Variants in ACTN2 observed in about 807,000 individuals in gnomAD.
ACTN2 encodes actinin alpha 2.
A neutral mutation model predicts 113.8 loss-of-function variants in ACTN2; 39 were observed. That is an observed-to-expected ratio of 0.34 (90% CI 0.27 to 0.45). ACTN2 has a LOEUF of 0.45. ACTN2 is among the 20% of genes least tolerant of loss of function. The pLI is 1.00. For synonymous variants in ACTN2, 429 were observed against 444.1 expected (o/e 0.97, Z 0.43); for missense variants, 992 against 1,177.9 (o/e 0.84, Z 2.31).
At position 236,754,591 on chromosome 1, in the gene ACTN2, G is replaced by C. The variant is rs1659498471; in HGVS notation, c.1975-428G>C. ...TTGAAATATTGACTTTTTTCTTAAA[G>C]CGGAGACCATGTAAAAATATAAGAA... On this transcript the variant is annotated intron_variant, in intron 16 of 20. Transcript: ENST00000366578. This position sits in a 1 kb window ranked among gnomAD's most constrained non-coding sequence, Gnocchi z 4.9. 6.6e-6 allele frequency among the ~76,000 whole-genome samples: 1 copy of C among 152,108 alleles called. No individual in the cohort carries two copies. The highest frequency in any genetic ancestry group is 2.4e-5 in the African/African-American group (1 of 41,418).
chr1:236,696,891 C>T (rs774718456), intron 1 of ACTN2, among the ~76,000 whole-genome samples: 3 of 152,244 alleles, frequency 2.0e-5, no homozygotes, highest in African/African-American at 4.8e-5. Context: ...GTCTCGATCT[C>T]GACCTCGTGA....
chr1:236,763,027 T>TA lies in ACTN2; in HGVS notation c.*414dup. On this transcript the variant is annotated 3_prime_UTR_variant, in exon 21 of 21. Transcript: ENST00000366578. ...TTGGTAAATAAAGGTTTGCTATTTG[T>TA]AAAAAATTTCATTTATCTCTAATAT... 3.2e-6 allele frequency: 1 copy of TA among 312,800 alleles called. No individual in the cohort carries two copies. Among genetic ancestry groups the TA allele is most frequent in the East Asian group, 8.6e-5 (1 of 11,620 alleles). 19.4% of individuals were successfully genotyped at this position (312,800 alleles called of 1,614,324 possible).
intron 1 of ACTN2, among the ~76,000 whole-genome samples, chr1:236,700,816 G>A (rs1488495994): frequency 6.6e-6 from 1 of 152,190 alleles, no homozygotes; most frequent in African/African-American, 2.4e-5. Context: ...CTGCTTCCGG[G>A]GAATTTATTT....
At chr1:236,760,435 T>A (rs779920255) in intron 19 of ACTN2, among the ~76,000 whole-genome samples, 11 of 152,208 alleles carry the variant, frequency 7.2e-5, no homozygotes, top group South Asian at 2.1e-4. Context: ...AGGAACCTAA[T>A]GATTTTTCAA....
intron 4 of ACTN2, among the ~76,000 whole-genome samples, chr1:236,725,519 C>T (rs563846785): frequency 5.9e-5 from 9 of 151,842 alleles, no homozygotes; most frequent in African/African-American, 9.7e-5. Context: ...CCCAGCTACT[C>T]GGGAGGCTGA....
chr1:236,705,703 T>C (rs1458155790), intron 1 of ACTN2, among the ~76,000 whole-genome samples: 6 of 152,248 alleles, frequency 3.9e-5, no homozygotes, highest in Admixed American at 3.9e-4. Context: ...TTATCAGGCA[T>C]TTCACCTTTC....
chr1:236,701,531 G>GC (rs1434250941), intron 1 of ACTN2, among the ~76,000 whole-genome samples: 1 of 152,140 alleles, frequency 6.6e-6, no homozygotes, highest in Non-Finnish European at 1.5e-5. Context: ...GGGCCAGGTT[G>GC]CCCTCTGAAA....
intron 15 of ACTN2, 92 bp downstream of exon 15, chr1:236,751,744 G>T: frequency 6.8e-7 from 1 of 1,467,222 alleles, no homozygotes. Flanking sequence ...TTAGGGTGAC[G>T]GCCTCATTTT....
intron 19 of ACTN2, among the ~76,000 whole-genome samples, chr1:236,760,136 C>T (rs555063904): frequency 2.0e-5 from 3 of 152,010 alleles, no homozygotes; most frequent in African/African-American, 7.2e-5. Context: ...GTCCCAGCTA[C>T]TTGGGAGGTT....
chr1:236,713,404 T>C (rs1280132049), intron 1 of ACTN2, among the ~76,000 whole-genome samples: 2 of 152,094 alleles, frequency 1.3e-5, no homozygotes, highest in South Asian at 2.1e-4. Flanking sequence ...GTCTTGTATT[T>C]TTTGTAGAGA....
chr1:236,755,551 T>C (rs1479710958), intron 17 of ACTN2, among the ~76,000 whole-genome samples: 3 of 152,176 alleles, frequency 2.0e-5, no homozygotes, highest in Admixed American at 1.3e-4. Context: ...ATCCTGCTAC[T>C]TGGTAAATGG....
intron 7 of ACTN2, among the ~76,000 whole-genome samples, chr1:236,733,378 T>C (rs1658767491): frequency 6.6e-6 from 1 of 152,236 alleles, no homozygotes; most frequent in Non-Finnish European, 1.5e-5. Context: ...TATTCTCTTC[T>C]CAGTTCTTTG....
At chr1:236,745,322 T>C (rs1659197062) in intron 12 of ACTN2, among the ~76,000 whole-genome samples, 1 of 152,048 alleles carries the variant, frequency 6.6e-6, no homozygotes, top group Non-Finnish European at 1.5e-5. Context: ...TAGTCCCAGC[T>C]GCTCGGGAGG....
At chr1:236,735,279 T>C (rs1402132134) in intron 7 of ACTN2, among the ~76,000 whole-genome samples, 1 of 152,168 alleles carries the variant, frequency 6.6e-6, no homozygotes, top group Non-Finnish European at 1.5e-5. Context: ...GGTGCCCTGA[T>C]GCGGTTGGAG....
At chr1:236,709,755 G>T (rs539915956) in intron 1 of ACTN2, among the ~76,000 whole-genome samples, 1 of 152,132 alleles carries the variant, frequency 6.6e-6, no homozygotes, top group Non-Finnish European at 1.5e-5. Context: ...TGTTCTTCAG[G>T]CCTGCTCACC....
At chr1:236,728,304 T>C (rs1658617457) in intron 6 of ACTN2, among the ~76,000 whole-genome samples, 1 of 152,020 alleles carries the variant, frequency 6.6e-6, no homozygotes, top group Non-Finnish European at 1.5e-5. Flanking sequence ...CCACCACGCC[T>C]GGATAATTTT....
At chr1:236,700,991 C>A (rs1160816507) in intron 1 of ACTN2, among the ~76,000 whole-genome samples, 2 of 152,150 alleles carry the variant, frequency 1.3e-5, no homozygotes, top group African/African-American at 4.8e-5. Context: ...CAAGTCACTT[C>A]ATCTGTCAGG....
intron 11 of ACTN2, among the ~76,000 whole-genome samples, chr1:236,744,250 G>T (rs528154120): frequency 6.6e-6 from 1 of 152,182 alleles, no homozygotes; most frequent in African/African-American, 2.4e-5. Context: ...GAGCACCGGG[G>T]TTTTATCTAA....
chr1:236,708,200 G>A (rs939741203), intron 1 of ACTN2, among the ~76,000 whole-genome samples: 1 of 151,996 alleles, frequency 6.6e-6, no homozygotes, highest in Non-Finnish European at 1.5e-5. Flanking sequence ...GAGATTCGTG[G>A]GCAGAGAATA....
Sources: gnomAD v4.1 joint callset for allele counts (sites outside exome capture counted in the v4.1 genomes callset) on GRCh38, gnomAD v4.1.1 for gene constraint, Gnocchi (gnomAD v3.1) non-coding constraint, MANE v1.5 for transcripts, NCBI Gene and HGNC (gene_info 2026-07-23, HGNC 2026-07-21) for gene names.